The following ITPR1 variants were observed in gnomAD, a reference collection of about 807,000 sequenced individuals.
ITPR1 encodes inositol 1,4,5-trisphosphate receptor type 1.
In ITPR1, 96 loss-of-function variants were observed where a neutral mutation model predicts 318.4. That is an observed-to-expected ratio of 0.30 (90% CI 0.26 to 0.36). ITPR1 has a LOEUF of 0.36. Ranked by LOEUF, ITPR1 falls within the 10% of genes least tolerant of loss-of-function variation. The pLI is 1.00. For missense variants in ITPR1, 2,440 were observed against 3,460.2 expected, an observed-to-expected ratio of 0.71 and a Z score of 7.40; for synonymous variants, 1,312 against 1,289.9, an observed-to-expected ratio of 1.02 and a Z score of -0.37.
chr3:4,762,873 A>T (rs1189529544), intron 44 of ITPR1, among the ~76,000 whole-genome samples: 1 of 152,256 alleles, frequency 6.6e-6, no homozygotes, highest in Admixed American at 6.5e-5. Context: ...ATTCTATTAT[A>T]AAGTTACATG....
At chr3:4,571,859 T>C (rs2088035310) in intron 4 of ITPR1, among the ~76,000 whole-genome samples, 1 of 152,096 alleles carries the variant, frequency 6.6e-6, no homozygotes, top group Non-Finnish European at 1.5e-5. Context: ...TCATCTCTGC[T>C]CCTCTCTGTT....
At chr3:4,825,449 CAAA>C (rs1169846111) in intron 60 of ITPR1, among the ~76,000 whole-genome samples, 3 of 152,010 alleles carry the variant, frequency 2.0e-5, no homozygotes, top group Non-Finnish European at 4.4e-5. Flanking sequence ...TAATTTGCTT[CAAA>C]AAAAGTAACA....
intron 61 of ITPR1, among the ~76,000 whole-genome samples, chr3:4,844,107 G>C (rs1216886328): frequency 1.4e-5 from 2 of 147,240 alleles, no homozygotes; most frequent in Admixed American, 7.0e-5. Context: ...CTTCAATAAG[G>C]GTTGAGCAGA....
chr3:4,732,244 T>G (rs953667284), intron 42 of ITPR1, among the ~76,000 whole-genome samples: 2 of 152,162 alleles, frequency 1.3e-5, no homozygotes, highest in Non-Finnish European at 2.9e-5. Context: ...AACAAAGAGT[T>G]ACTATATCCC....
intron 26 of ITPR1, among the ~76,000 whole-genome samples, chr3:4,681,825 A>G (rs908071368): frequency 3.3e-5 from 5 of 152,204 alleles, no homozygotes; most frequent in East Asian, 1.9e-4. Context: ...CTGGGCTACA[A>G]TTTTATCCCT....
rs369153125 is a variant in ITPR1, at chr3:4,803,836, C to A, written c.7108-2267C>A. On this transcript the variant is annotated intron_variant, in intron 54 of 61. Transcript: ENST00000649015. ...TACAACAACATAAGCTGGTAGGGGG[C>A]AAACAGCTATAATAAATAATTATTT... Among the ~76,000 whole-genome samples, 31 of 152,214 alleles carry A rather than the reference C, an allele frequency of 2.0e-4. No individual in the cohort carries two copies. The South Asian group carries it at 6.4e-3, about 32-fold the overall frequency.
intron 2 of ITPR1, among the ~76,000 whole-genome samples, chr3:4,510,784 T>G (rs1357480048): frequency 6.6e-6 from 1 of 152,134 alleles, no homozygotes; most frequent in Non-Finnish European, 1.5e-5. Flanking sequence ...GAATTTAACT[T>G]CATCTGAGGG....
chr3:4,794,808 C>T (rs1279877446), intron 52 of ITPR1, among the ~76,000 whole-genome samples: 2 of 152,202 alleles, frequency 1.3e-5, no homozygotes, highest in African/African-American at 4.8e-5. Context: ...TATAGATGCT[C>T]CAACTTTTCT....
At chr3:4,543,441 C>A (rs1024862649) in intron 4 of ITPR1, among the ~76,000 whole-genome samples, 3 of 151,914 alleles carry the variant, frequency 2.0e-5, no homozygotes, top group African/African-American at 7.3e-5. Context: ...AAAAACAAAT[C>A]AAAACAAAAC....
chr3:4,767,042 C>A (rs768558109), intron 45 of ITPR1, among the ~76,000 whole-genome samples: 3 of 152,208 alleles, frequency 2.0e-5, no homozygotes, highest in Non-Finnish European at 2.9e-5. Context: ...GGGTGTTAGT[C>A]CTTTGTCAGA....
intron 4 of ITPR1, among the ~76,000 whole-genome samples, chr3:4,625,100 A>T (rs1190637301): frequency 6.6e-6 from 1 of 152,222 alleles, no homozygotes; most frequent in Non-Finnish European, 1.5e-5. Flanking sequence ...TAGATTCTTG[A>T]TAAAGATAGC....
At chr3:4,680,418 A>G in intron 24 of ITPR1, 135 bp from the exon 25 acceptor site, 1 of 739,026 alleles carries the variant, frequency 1.4e-6, no homozygotes, top group East Asian at 2.5e-5. Context: ...AATCTAAGCC[A>G]AATACTTGGC....
intron 14 of ITPR1, 97 bp from the exon 15 acceptor site, chr3:4,661,985 C>T (rs2093844765): frequency 3.8e-6 from 4 of 1,049,146 alleles, no homozygotes; most frequent in East Asian, 4.9e-5. Flanking sequence ...GCTCTAGTAT[C>T]TTGGGATCAG....
chr3:4,565,390 T>G (rs2087125647), intron 4 of ITPR1, among the ~76,000 whole-genome samples: 1 of 152,238 alleles, frequency 6.6e-6, no homozygotes, highest in South Asian at 2.1e-4. Context: ...ATCTTCCTAA[T>G]TCTACCACCT....
At chr3:4,559,918 A>G (rs1056340843) in intron 4 of ITPR1, among the ~76,000 whole-genome samples, 1 of 152,116 alleles carries the variant, frequency 6.6e-6, no homozygotes, top group Admixed American at 6.5e-5. Context: ...CTCCCCTCCT[A>G]AGAGGCGGCG....
Position 4,730,744 on chromosome 3 carries a change from C to T in ITPR1, c.5221-2344C>T, listed in dbSNP as rs188224692. Among the ~76,000 whole-genome samples, 196 of 152,296 alleles carry T rather than the reference C, an allele frequency of 1.3e-3. 1 individual carries two copies. The highest frequency in any genetic ancestry group is 4.4e-3 in the African/African-American group (183 of 41,552). ...TGAAAATCTAAGCAAGTCACTCTAG[C>T]TCCAAGTGGAATCGTGGTACACAGG... is the stretch of plus-strand genomic sequence containing the variant. On this transcript the variant is annotated intron_variant, in intron 42 of 61. Transcript: ENST00000649015.
intron 60 of ITPR1, among the ~76,000 whole-genome samples, chr3:4,830,258 G>T (rs1326351250): frequency 6.6e-6 from 1 of 152,090 alleles, no homozygotes; most frequent in Admixed American, 6.5e-5. Flanking sequence ...TTACAGGCGT[G>T]AGCCACCATG....
chr3:4,794,789 T>C (rs1456987543), intron 52 of ITPR1, among the ~76,000 whole-genome samples: 1 of 152,176 alleles, frequency 6.6e-6, no homozygotes, highest in East Asian at 1.9e-4. Context: ...GGCTGGGGTA[T>C]GCAGGGTTTA....
At chr3:4,722,972 A>C (rs961037870) in intron 40 of ITPR1, among the ~76,000 whole-genome samples, 21 of 152,196 alleles carry the variant, frequency 1.4e-4, no homozygotes, top group Admixed American at 1.2e-3. Context: ...CACATGGTGA[A>C]ACCATGTCTC....
Sources: gnomAD v4.1 joint callset for allele counts (sites outside exome capture counted in the v4.1 genomes callset) on GRCh38, gnomAD v4.1.1 for gene constraint, MANE v1.5 for transcripts, NCBI Gene and HGNC (gene_info 2026-07-23, HGNC 2026-07-21) for gene names.